Variants in CAMK1D observed in about 807,000 individuals in gnomAD.
CAMK1D encodes the protein calcium/calmodulin-dependent protein kinase type 1D.
A neutral mutation model predicts 47.7 loss-of-function variants in CAMK1D; 9 were observed. The observed-to-expected ratio is 0.19, with a 90% CI of 0.11 to 0.33. CAMK1D has a LOEUF of 0.33. Ranked by LOEUF, CAMK1D falls within the 10% of genes least tolerant of loss-of-function variation. The pLI is 1.00. For missense variants in CAMK1D, 291 were observed against 488.7 expected, an observed-to-expected ratio of 0.60 and a Z score of 3.81; for synonymous variants, 184 against 184.9, an observed-to-expected ratio of 0.99 and a Z score of 0.04.
chr10:12,417,991 G>A (rs185644770), intron 1 of CAMK1D, among the ~76,000 whole-genome samples: 1,674 of 152,156 alleles, frequency 0.011, 23 homozygotes, highest in African/African-American at 0.039. Context: ...TAGTAGAGAC[G>A]AGGTTTCACT....
chr10:12,423,170 A>C (rs942762049), intron 1 of CAMK1D, among the ~76,000 whole-genome samples: 1 of 152,216 alleles, frequency 6.6e-6, no homozygotes, highest in Non-Finnish European at 1.5e-5. Context: ...CTTTTGTACT[A>C]TCCATCTCAT....
chr10:12,827,062 G>C (rs1056377708), intron 10 of CAMK1D, among the ~76,000 whole-genome samples: 19 of 152,216 alleles, frequency 1.2e-4, no homozygotes, highest in East Asian at 5.8e-4. Context: ...CACTAGGCCA[G>C]GGACTGCTGA....
In CAMK1D at chr10:12,781,972, G is replaced by GTT. The variant is rs58759372; in HGVS notation, c.566-9167_566-9166dup. ...CTGGTGATATGTTTTTAATTTAATT[G>GTT]TTTTTTTTTTTTTTTTTTTTGCCAT... On this transcript the variant is annotated intron_variant, in intron 5 of 10. Transcript: ENST00000619168. 4.7e-4 allele frequency among the ~76,000 whole-genome samples: 61 copies of GTT among 128,640 alleles called. 1 individual carries two copies. Among genetic ancestry groups the GTT allele is most frequent in the African/African-American group, 6.8e-4 (23 of 33,916 alleles). 84.4% of individuals were successfully genotyped at this position (128,640 alleles called of 152,430 possible). A position where few individuals can be genotyped will look rare whatever the true frequency, so the allele number is the denominator to read the frequency against.
chr10:12,612,936 A>G (rs1433173327), intron 2 of CAMK1D, among the ~76,000 whole-genome samples: 1 of 152,144 alleles, frequency 6.6e-6, no homozygotes. Flanking sequence ...TGGACAGTGT[A>G]TCTTTAAGGA....
intron 1 of CAMK1D, among the ~76,000 whole-genome samples, chr10:12,461,687 CAA>C (rs57291391): frequency 0.013 from 1,134 of 90,340 alleles, 9 homozygotes; most frequent in African/African-American, 0.037. Context: ...GGCTTCATCT[CAA>C]AAAAAAAAAA....
At chr10:12,761,588 G>T (rs1254874357) in intron 4 of CAMK1D, among the ~76,000 whole-genome samples, 1 of 152,076 alleles carries the variant, frequency 6.6e-6, no homozygotes, top group Non-Finnish European at 1.5e-5. Flanking sequence ...GAAAAAGACA[G>T]GTTAAAAGAG....
intron 3 of CAMK1D, among the ~76,000 whole-genome samples, chr10:12,694,231 G>GCATAATATATATTATATATTATATATTA (rs1833121682): frequency 4.0e-4 from 1 of 2,496 alleles, no homozygotes; most frequent in African/African-American, 8.1e-4. Flanking sequence ...TATATATTAT[G>GCATAATATATATTATATATTATATATTA]TATAATATAT....
At chr10:12,712,005 G>A (rs1191505350) in intron 3 of CAMK1D, among the ~76,000 whole-genome samples, 3 of 152,180 alleles carry the variant, frequency 2.0e-5, no homozygotes, top group Non-Finnish European at 2.9e-5. Context: ...AAGTTTTTCA[G>A]TGGAAAATGT....
At chr10:12,755,051 C>T (rs915989455) in intron 3 of CAMK1D, among the ~76,000 whole-genome samples, 4 of 151,918 alleles carry the variant, frequency 2.6e-5, no homozygotes, top group Non-Finnish European at 4.4e-5. Context: ...GATGGAAAGG[C>T]GTGTGTTTAT....
At chr10:12,451,771 T>TTGTG (rs75335236) in intron 1 of CAMK1D, among the ~76,000 whole-genome samples, 59 of 150,604 alleles carry the variant, frequency 3.9e-4, no homozygotes, top group East Asian at 1.2e-3. Context: ...GGTTATGTGT[T>TTGTG]TGTGTGTGTG....
intron 2 of CAMK1D, among the ~76,000 whole-genome samples, chr10:12,573,119 C>T (rs1387843671): frequency 2.6e-5 from 4 of 152,258 alleles, no homozygotes; most frequent in African/African-American, 9.6e-5. Context: ...TTGGACACTT[C>T]TTTCCTTCCA....
intron 1 of CAMK1D, among the ~76,000 whole-genome samples, chr10:12,350,349 C>T (rs1837316539): frequency 6.6e-6 from 1 of 152,248 alleles, no homozygotes; most frequent in South Asian, 2.1e-4. Context: ...CCATTTCTGT[C>T]CTTACATCAT....
intron 1 of CAMK1D, among the ~76,000 whole-genome samples, chr10:12,474,538 C>G (rs56753468): frequency 6.6e-6 from 1 of 151,908 alleles, no homozygotes; most frequent in Non-Finnish European, 1.5e-5. Flanking sequence ...TAAAACATTG[C>G]ATAACATAAA....
intron 3 of CAMK1D, among the ~76,000 whole-genome samples, chr10:12,671,168 C>G (rs1311702539): frequency 6.6e-6 from 1 of 152,104 alleles, no homozygotes; most frequent in African/African-American, 2.4e-5. Flanking sequence ...ATTTTATTAT[C>G]TGGATATATC....
chr10:12,434,793 C>T (rs2131997677), intron 1 of CAMK1D, among the ~76,000 whole-genome samples: 1 of 152,304 alleles, frequency 6.6e-6, no homozygotes, highest in East Asian at 1.9e-4. Flanking sequence ...TGATCGCCTT[C>T]AGTCTGTGCT....
chr10:12,584,700 G>T (rs1837764087), intron 2 of CAMK1D, among the ~76,000 whole-genome samples: 1 of 152,098 alleles, frequency 6.6e-6, no homozygotes, highest in South Asian at 2.1e-4. Context: ...TGCATTTGTG[G>T]TCCCAACTAT....
rs1372892887 is a variant in CAMK1D at position 12,695,056 on chromosome 10, A to ATACC, written c.299+28248_299+28249insCCTA. Among the ~76,000 whole-genome samples the ATACC allele has an allele frequency of 2.4e-3, 170 of 71,942 alleles. 2 individuals are homozygous for ATACC. Among genetic ancestry groups the ATACC allele is most frequent in the Middle Eastern group, 7.4e-3 (1 of 136 alleles). The allele number at this position is 71,942 out of a possible 152,430, so 47.2% of individuals were successfully genotyped here. A position where few individuals can be genotyped will look rare whatever the true frequency, so the allele number is the denominator to read the frequency against. On this transcript the variant is annotated intron_variant, in intron 3 of 10. Transcript: ENST00000619168. Reference sequence around the variant, plus strand: ...GATAGATAGATAGATAGATAGATAGATAGATAGATACATAGGTAGATACAT... The same window carrying ATACC: ...GATAGATAGATAGATAGATAGATAGATACCTAGATAGATACATAGGTAGATACAT...
intron 3 of CAMK1D, among the ~76,000 whole-genome samples, chr10:12,689,390 C>G (rs981406899): frequency 1.3e-5 from 2 of 152,244 alleles, no homozygotes; most frequent in Non-Finnish European, 2.9e-5. Context: ...ATGTTTCTCT[C>G]TCACCCTCAT....
At chr10:12,484,993 G>A (rs144511872) in intron 1 of CAMK1D, among the ~76,000 whole-genome samples, 1,655 of 152,272 alleles carry the variant, frequency 0.011, 26 homozygotes, top group African/African-American at 0.038. Flanking sequence ...ATTACCATCT[G>A]GTGTGGAAAG....
Sources: allele counts gnomAD v4.1 joint callset (sites outside exome capture counted in the v4.1 genomes callset), GRCh38; gene constraint gnomAD v4.1.1; transcripts MANE v1.5; gene names NCBI Gene and HGNC (gene_info 2026-07-23, HGNC 2026-07-21).